Variants in PPM1B observed in about 807,000 individuals in gnomAD.
PPM1B encodes protein phosphatase 1B.
In PPM1B, 22 loss-of-function variants were observed where a neutral mutation model predicts 43.0. The observed-to-expected ratio is 0.51, with a 90% CI of 0.37 to 0.73. The LOEUF (loss-of-function observed/expected upper bound fraction) is 0.73, where lower values mean the gene tolerates loss of function less well. Among genes scored for constraint, PPM1B ranks in the 30% least tolerant of loss-of-function variants. The pLI, the probability that PPM1B is intolerant of heterozygous loss-of-function variation, is 0.00. For missense variants in PPM1B, 632 were observed against 584.2 expected (o/e 1.08, Z -0.84); for synonymous variants, 217 against 197.9 (o/e 1.10, Z -0.81).
At chr2:44,214,667 T>C (rs1445521077) in intron 3 of PPM1B, among the ~76,000 whole-genome samples, 2 of 152,032 alleles carry the variant, frequency 1.3e-5, no homozygotes, top group African/African-American at 4.8e-5. Context: ...ACTGACTTGA[T>C]AGCATGGCAG....
intron 1 of PPM1B, among the ~76,000 whole-genome samples, chr2:44,190,420 A>C (rs1355490227): frequency 1.3e-5 from 2 of 152,004 alleles, no homozygotes; most frequent in South Asian, 2.1e-4. Context: ...CAGCCTCCCA[A>C]AGTGTTGGGA....
At chr2:44,232,639 A>C, downstream of PPM1B, 2 of 1,219,560 alleles carry the variant, frequency 1.6e-6, no homozygotes, top group Admixed American at 4.3e-5. Context: ...ACAAATCAAC[A>C]ATGTGCCTGA....
chr2:44,231,622 A>G (rs117716052), downstream of PPM1B: 3 of 214,004 alleles, frequency 1.4e-5, no homozygotes, highest in Admixed American at 6.5e-5. Context: ...GAAAAGTTTA[A>G]TATTAAAATA....
At chr2:44,195,465 C>T (rs796287757) in intron 1 of PPM1B, among the ~76,000 whole-genome samples, 30 of 152,236 alleles carry the variant, frequency 2.0e-4, no homozygotes, top group African/African-American at 6.7e-4. Flanking sequence ...CCCAGCTAGG[C>T]GTCCCAAAGT....
At chr2:44,243,772 G>A (rs976809753) in intron 5 of PPM1B, among the ~76,000 whole-genome samples, 1 of 152,092 alleles carries the variant, frequency 6.6e-6, no homozygotes, top group African/African-American at 2.4e-5. Flanking sequence ...ATCTGATAGG[G>A]AAAATGCCCC....
At chr2:44,175,428 C>T (rs1667535702) in intron 1 of PPM1B, among the ~76,000 whole-genome samples, 1 of 152,096 alleles carries the variant, frequency 6.6e-6, no homozygotes, top group East Asian at 1.9e-4. Flanking sequence ...AGTCTGTAAC[C>T]CTCCAGCCAA....
At chr2:44,239,246 A>G (rs1670695487), downstream of PPM1B, among the ~76,000 whole-genome samples, 2 of 150,088 alleles carry the variant, frequency 1.3e-5, no homozygotes, top group Non-Finnish European at 1.5e-5. Context: ...TGCATTTCTG[A>G]TTACATGTGA....
intron 1 of PPM1B, among the ~76,000 whole-genome samples, chr2:44,185,055 TG>T (rs1334641424): frequency 2.0e-5 from 3 of 151,540 alleles, no homozygotes; most frequent in Non-Finnish European, 4.4e-5. Context: ...TTAATATTAT[TG>T]GGTTTTATAG....
chr2:44,214,410 A>C lies in PPM1B; in HGVS notation c.965-3557A>C, dbSNP rs148366577. On this transcript the variant is annotated intron_variant, in intron 3 of 5. Transcript: ENST00000282412. The stretch of plus-strand genomic sequence containing the variant: ...TTTCTTAAATAAATTGTTACAAAAA[A>C]AGCTTATTGATGACACTTGTTAAAG... Among the ~76,000 whole-genome samples, 354 of 152,118 alleles carry C rather than the reference A, an allele frequency of 2.3e-3. 3 individuals carry two copies. Among genetic ancestry groups the C allele is most frequent in the African/African-American group, 8.1e-3 (338 of 41,516 alleles).
chr2:44,244,006 G>C (rs1451409135), intron 5 of PPM1B, among the ~76,000 whole-genome samples: 1 of 126,568 alleles, frequency 7.9e-6, no homozygotes, highest in African/African-American at 3.0e-5. Flanking sequence ...AATGTCCCCA[G>C]TACAGTTTTG....
chr2:44,234,322 C>G, downstream of PPM1B: 1 of 689,292 alleles, frequency 1.5e-6, no homozygotes, highest in Non-Finnish European at 1.8e-6. Flanking sequence ...AGATCGTGAC[C>G]ATCCTGGCCA....
chr2:44,205,354 G>GTGTCGGGGTGTGTGTGTGTGTGTGT (rs1669134502), intron 2 of PPM1B, among the ~76,000 whole-genome samples: 1 of 91,720 alleles, frequency 1.1e-5, no homozygotes, highest in South Asian at 3.9e-4. Flanking sequence ...TGTGGGTGTG[G>GTGTCGGGGTGTGTGTGTGTGTGTGT]GTGTGTGTGT....
chr2:44,189,753 C>T (rs1668314908), intron 1 of PPM1B, among the ~76,000 whole-genome samples: 1 of 152,254 alleles, frequency 6.6e-6, no homozygotes, highest in South Asian at 2.1e-4. Flanking sequence ...GCATGAGCCA[C>T]TGTAGCCTGC....
At chr2:44,235,905 A>G (rs1670594661), downstream of PPM1B, among the ~76,000 whole-genome samples, 1 of 152,068 alleles carries the variant, frequency 6.6e-6, no homozygotes, top group Admixed American at 6.5e-5. Flanking sequence ...TCAAATTTTA[A>G]ATATATGTCT....
chr2:44,230,294 C>T, intron 5 of PPM1B, 119 bp from the exon 6 acceptor site: 1 of 1,500,422 alleles, frequency 6.7e-7, no homozygotes, highest in South Asian at 1.4e-5. Context: ...AAAATGTTCT[C>T]ATGCTTAGAC....
chr2:44,211,694 G>A (rs145728659), intron 3 of PPM1B, among the ~76,000 whole-genome samples: 4 of 150,094 alleles, frequency 2.7e-5, no homozygotes, highest in South Asian at 2.1e-4. Context: ...ATCCATTTGC[G>A]ATTTTTGCCT....
chr2:44,234,349 C>T, downstream of PPM1B: 1 of 562,274 alleles, frequency 1.8e-6, no homozygotes, highest in Non-Finnish European at 2.3e-6. Flanking sequence ...TGAAACCCTG[C>T]CTCTACTAAA....
chr2:44,194,240 C>G (rs1250236716), intron 1 of PPM1B, among the ~76,000 whole-genome samples: 2 of 151,996 alleles, frequency 1.3e-5, no homozygotes, highest in Non-Finnish European at 2.9e-5. Flanking sequence ...TAAGTGTAAC[C>G]CTGACAGCCT....
At chr2:44,244,334 G>C in exon 6 of PPM1B, 1 of 1,360,364 alleles carries the variant, frequency 7.4e-7, no homozygotes, top group Non-Finnish European at 9.8e-7. Context: ...CGGACAAAAA[G>C]GTTTTTTTGT....
Sources: gnomAD v4.1 joint callset for allele counts (sites outside exome capture counted in the v4.1 genomes callset) on GRCh38, gnomAD v4.1.1 for gene constraint, MANE v1.5 for transcripts, NCBI Gene and HGNC (gene_info 2026-07-23, HGNC 2026-07-21) for gene names.